Variants in ATP2B4 observed in about 807,000 individuals in gnomAD.
The protein encoded by ATP2B4 is ATPase plasma membrane Ca2+ transporting 4.
Under a neutral mutation model 110.3 loss-of-function variants are expected in ATP2B4, and 39 were observed. The ratio of observed to expected loss-of-function variants is 0.35; its 90% confidence interval spans 0.27 to 0.46. The LOEUF is 0.46. ATP2B4 is among the 20% of genes least tolerant of loss of function. The pLI is 1.00. For missense variants in ATP2B4, 1,135 were observed against 1,530.9 expected (o/e 0.74, Z 4.32); for synonymous variants, 538 against 571.7 (o/e 0.94, Z 0.84).
intron 2 of ATP2B4, among the ~76,000 whole-genome samples, chr1:203,696,953 A>G (rs1311992787): frequency 3.3e-5 from 5 of 152,128 alleles, no homozygotes; most frequent in Non-Finnish European, 7.4e-5. Context: ...ATGTAAGCAA[A>G]CGTATGTTGG....
intron 1 of ATP2B4, among the ~76,000 whole-genome samples, chr1:203,631,589 A>G (rs1435078287): frequency 6.6e-6 from 1 of 152,138 alleles, no homozygotes; most frequent in Non-Finnish European, 1.5e-5. Flanking sequence ...TACCCTCAAT[A>G]CTAACAGCCC....
intron 18 of ATP2B4, 30 bp downstream of exon 18, chr1:203,722,719 G>A (rs768201367): frequency 6.2e-7 from 1 of 1,605,446 alleles, no homozygotes. Flanking sequence ...TGGGGCAGGA[G>A]ATCTGGAATG....
In ATP2B4 at chr1:203,733,177, G is replaced by A. The variant is rs759255533; in HGVS notation, c.3309+5606G>A. ...CCCTTCCTCTTTCTTCACCTCTCTC[G>A]GACTGACTGTGGAGCAAAGCTGTCT... On this transcript the variant is annotated intron_variant, in intron 20 of 20. Coordinates refer to ENST00000357681, the MANE Select transcript of ATP2B4 (RefSeq NM_001684.5). 30 of 1,558,042 alleles carry A rather than the reference G, an allele frequency of 1.9e-5. No individual in the cohort carries two copies. In the Admixed American group the frequency reaches 2.6e-4, roughly 14 times the overall value.
At chr1:203,630,347 T>TTC (rs61003306) in intron 1 of ATP2B4, among the ~76,000 whole-genome samples, 2 of 101,888 alleles carry the variant, frequency 2.0e-5, no homozygotes, top group African/African-American at 7.1e-5. Flanking sequence ...GAAACCCCTT[T>TTC]TCTCTCTCTC....
At chr1:203,680,534 G>A (rs376722354) in intron 1 of ATP2B4, among the ~76,000 whole-genome samples, 11 of 151,510 alleles carry the variant, frequency 7.3e-5, no homozygotes, top group African/African-American at 2.4e-4. Context: ...GCGTGAACCC[G>A]GGAGGTGGAG....
rs1187907329 is a variant in ATP2B4 at position 203,741,963 on chromosome 1, T to A, written c.*2109T>A. On this transcript the variant is annotated 3_prime_UTR_variant, in exon 21 of 21. Coordinates refer to ENST00000357681, the MANE Select transcript of ATP2B4 (RefSeq NM_001684.5). The stretch of plus-strand genomic sequence containing the variant: ...CGAGCTTTGAAGGCTATTTTACCAT[T>A]CCTGTTCACAAAAGGTTCTCATGGT... 1 of 152,658 alleles carries A rather than the reference T, an allele frequency of 6.6e-6. No homozygotes were observed. The highest frequency in any genetic ancestry group is 2.4e-5 in the African/African-American group (1 of 41,466). 9.5% of individuals were successfully genotyped at this position (152,658 alleles called of 1,614,324 possible).
rs1663112857 is a variant in ATP2B4, at chr1:203,627,094, CA to C, written c.-589del. On this transcript the variant is annotated 5_prime_UTR_variant, in exon 1 of 21. Transcript: ENST00000357681. Reference sequence around the variant, plus strand: ...AGCCAGAAAGGCAAGAGAGCAAAGCCAGCGTCTCTAGCTTGGTTGCCACACT... The same window carrying C: ...AGCCAGAAAGGCAAGAGAGCAAAGCCGCGTCTCTAGCTTGGTTGCCACACT... 1 of 152,298 alleles carries C rather than the reference CA, an allele frequency of 6.6e-6. No homozygotes were observed. Among genetic ancestry groups the C allele is most frequent in the Non-Finnish European group, 1.5e-5 (1 of 68,084 alleles). The allele number at this position is 152,298 out of a possible 1,614,324, so 9.4% of individuals were successfully genotyped here.
chr1:203,715,351 G>A (rs573069233), intron 15 of ATP2B4, among the ~76,000 whole-genome samples: 1 of 143,098 alleles, frequency 7.0e-6, no homozygotes, highest in African/African-American at 2.6e-5. Flanking sequence ...TCAGGAGTTC[G>A]AGACCAGTCT....
intron 1 of ATP2B4, among the ~76,000 whole-genome samples, chr1:203,668,801 G>A (rs1410225702): frequency 1.3e-5 from 2 of 152,180 alleles, no homozygotes; most frequent in Admixed American, 1.3e-4. Context: ...AATTATCCAG[G>A]CAAGGATCAA....
chr1:203,634,952 C>T (rs1032312896), intron 1 of ATP2B4, among the ~76,000 whole-genome samples: 2 of 152,056 alleles, frequency 1.3e-5, no homozygotes, highest in Non-Finnish European at 2.9e-5. Flanking sequence ...GCATGAACCA[C>T]CGCACCCGGC....
intron 1 of ATP2B4, among the ~76,000 whole-genome samples, chr1:203,644,611 C>T (rs958410693): frequency 6.6e-6 from 1 of 152,208 alleles, no homozygotes; most frequent in African/African-American, 2.4e-5. Flanking sequence ...CTAACATTCT[C>T]TGCTTCCTCC....
At chr1:203,634,295 C>T (rs548459474) in intron 1 of ATP2B4, among the ~76,000 whole-genome samples, 1 of 152,296 alleles carries the variant, frequency 6.6e-6, no homozygotes. Context: ...ATCTCAGAAA[C>T]ATTCCTTCTG....
intron 3 of ATP2B4, 121 bp from the exon 4 acceptor site, chr1:203,699,339 G>T: frequency 1.5e-6 from 2 of 1,325,722 alleles, no homozygotes; most frequent in South Asian, 2.9e-5. Context: ...GCCAACAGTT[G>T]TATTTGCTAT....
chr1:203,681,654 G>A (rs762841273), intron 1 of ATP2B4, among the ~76,000 whole-genome samples: 38 of 152,028 alleles, frequency 2.5e-4, no homozygotes, highest in Admixed American at 8.5e-4. Flanking sequence ...TCAGCCCTCC[G>A]TTTTGTCACC....
chr1:203,688,605 G>T (rs1387872025), intron 2 of ATP2B4, among the ~76,000 whole-genome samples: 1 of 152,084 alleles, frequency 6.6e-6, no homozygotes, highest in African/African-American at 2.4e-5. Flanking sequence ...CGCAGCCTCA[G>T]CCCAATGTTT....
chr1:203,709,559 A>G lies in ATP2B4; in HGVS notation c.1799+17A>G, dbSNP rs532838806. 104 of 1,613,158 alleles carry G rather than the reference A, an allele frequency of 6.4e-5. 2 individuals are homozygous for G. The South Asian group carries it at 9.6e-4, about 15-fold the overall frequency. ...CTTGCGCAAGTGAGCACCCCCGACC[A>G]CTCTGCTTCCCTTCAAGATCCTCTC... On this transcript the variant is annotated intron_variant, in intron 11 of 20. Coordinates refer to ENST00000357681, the MANE Select transcript of ATP2B4 (RefSeq NM_001684.5).
At chr1:203,672,437 A>T (rs1304184075) in intron 1 of ATP2B4, among the ~76,000 whole-genome samples, 1 of 150,844 alleles carries the variant, frequency 6.6e-6, no homozygotes. Flanking sequence ...TTACAGGCAC[A>T]TAAATAGCTT....
chr1:203,709,584 C>T (rs1665946942), intron 11 of ATP2B4, 42 bp downstream of exon 11: 1 of 1,611,606 alleles, frequency 6.2e-7, no homozygotes, highest in East Asian at 2.2e-5. Flanking sequence ...AAGATCCTCT[C>T]CTCAGGAAGG....
chr1:203,656,956 T>C lies in ATP2B4; in HGVS notation c.-464-25786T>C, dbSNP rs565861372. ...GTGTGTAGTCCCCAATAATTATATA[T>C]GAAATTGCTGTCAAACCAGTAAGAC... is the stretch of plus-strand genomic sequence containing the variant. On this transcript the variant is annotated intron_variant, in intron 1 of 20. Transcript: ENST00000357681. 902 of 695,526 alleles carry C rather than the reference T, an allele frequency of 1.3e-3. 14 individuals carry two copies. The highest frequency in any genetic ancestry group is 4.7e-3 in the South Asian group (307 of 65,098). 43.1% of individuals were successfully genotyped at this position (695,526 alleles called of 1,614,324 possible).
Sources: allele counts gnomAD v4.1 joint callset (sites outside exome capture counted in the v4.1 genomes callset), GRCh38; gene constraint gnomAD v4.1.1; transcripts MANE v1.5; gene names NCBI Gene and HGNC (gene_info 2026-07-23, HGNC 2026-07-21).